EVC: variants seen among roughly 807,000 people sequenced by gnomAD.
EVC encodes evC complex member EVC.
A neutral mutation model predicts 118.9 loss-of-function variants in EVC; 116 were observed. The ratio of observed to expected loss-of-function variants is 0.98; its 90% CI spans 0.84 to 1.14. The LOEUF is 1.14. Ranked by LOEUF, EVC falls within the 50% of genes most tolerant of loss-of-function variation. The pLI is 0.00. For synonymous variants in EVC, 619 were observed against 534.7 expected (o/e 1.16, Z -2.18); for missense variants, 1,401 against 1,246.4 (o/e 1.12, Z -1.87).
At chr4:5,774,468 C>A (rs1441177941) in intron 11 of EVC, among the ~76,000 whole-genome samples, 1 of 151,956 alleles carries the variant, frequency 6.6e-6, no homozygotes, top group African/African-American at 2.4e-5. Flanking sequence ...TCCTCATAAT[C>A]AGCCCTCAAA....
intron 11 of EVC, chr4:5,758,308 T>A (rs1372712066): frequency 5.3e-6 from 3 of 561,608 alleles, no homozygotes; most frequent in Non-Finnish European, 9.4e-6. Context: ...GTTGTCTTAA[T>A]GCACCCAGTT....
chr4:5,744,666 A>C (rs565256447), intron 6 of EVC, among the ~76,000 whole-genome samples: 1 of 152,270 alleles, frequency 6.6e-6, no homozygotes, highest in South Asian at 2.1e-4. Context: ...GGGCCACCTC[A>C]GGCTTCCCCA....
intron 12 of EVC, among the ~76,000 whole-genome samples, chr4:5,787,117 T>G (rs1314741848): frequency 6.6e-6 from 1 of 152,170 alleles, no homozygotes; most frequent in Non-Finnish European, 1.5e-5. Flanking sequence ...GGGAAGTTAT[T>G]AAAAATTAAT....
At chr4:5,775,232 A>G (rs1734544826) in intron 11 of EVC, among the ~76,000 whole-genome samples, 1 of 151,800 alleles carries the variant, frequency 6.6e-6, no homozygotes, top group Non-Finnish European at 1.5e-5. Flanking sequence ...CCACTCATTG[A>G]AAGTGTTTTT....
At position 5,774,881 on chromosome 4, in the gene EVC, A is replaced by G. The variant is rs990318400; in HGVS notation, c.1564-8671A>G. On this transcript the variant is annotated intron_variant, in intron 11 of 20. Transcript: ENST00000264956. ...AATAAATCAGTATCTCCCAAGTGAC[A>G]TATGCCAGCATTAGTGGGAAGTGAT... Among the ~76,000 whole-genome samples the G allele has an allele frequency of 3.7e-4, 57 of 152,164 alleles. 1 individual carries two copies. The highest frequency in any genetic ancestry group is 2.0e-4 in the Admixed American group (3 of 15,286).
At chr4:5,816,943 G>C (rs1476873595), downstream of EVC, among the ~76,000 whole-genome samples, 3 of 152,122 alleles carry the variant, frequency 2.0e-5, no homozygotes, top group East Asian at 5.8e-4. Context: ...CAACCCTAGA[G>C]AACTGACTCC....
At position 5,783,631 on chromosome 4, in the gene EVC, G is replaced by A; in HGVS notation, c.1643G>A (p.Gly548Asp). The part of the protein sequence containing the change: ...LFLQTLPGMT[G>D]LPPEECDYLR... ...CTTCAGACGCTCCCTGGCATGACTG[G>A]CCTCCCCCCGGAAGAGTGTGACTAC... The change falls in exon 12 of 21, where the codon GGC (glycine) becomes GAC (aspartate). Residue 548 changes from glycine to aspartate, a missense_variant. Transcript: ENST00000264956. The A allele has an allele frequency of 6.2e-7, 1 of 1,614,144 alleles. No homozygotes were observed. The highest frequency in any genetic ancestry group is 8.5e-7 in the Non-Finnish European group (1 of 1,180,022).
intron 11 of EVC, among the ~76,000 whole-genome samples, chr4:5,780,298 C>G (rs891766091): frequency 6.6e-6 from 1 of 152,094 alleles, no homozygotes; most frequent in Non-Finnish European, 1.5e-5. Flanking sequence ...ATTCACCATA[C>G]TAAGTGTATG....
At chr4:5,712,810 G>T (rs1577302791) in intron 1 of EVC, among the ~76,000 whole-genome samples, 2 of 152,306 alleles carry the variant, frequency 1.3e-5, no homozygotes, top group Admixed American at 1.3e-4. Context: ...ATGCTGGCTT[G>T]TTGCATGGAG....
At position 5,811,446 on chromosome 4, in the gene EVC, G is replaced by A. The variant is rs545446092; in HGVS notation, c.*409G>A. 3 of 262,472 alleles carry A rather than the reference G, an allele frequency of 1.1e-5. No individual in the cohort carries two copies. The highest frequency in any genetic ancestry group is 2.0e-4 in the East Asian group (2 of 10,246). 16.3% of individuals were successfully genotyped at this position (262,472 alleles called of 1,614,324 possible). On this transcript the variant is annotated 3_prime_UTR_variant, in exon 21 of 21. Transcript: ENST00000264956. The stretch of plus-strand genomic sequence containing the variant: ...ACACAGATACATAATGACACCTGCA[G>A]AAATGTATTCTCTGAGGACACTTAG...
At chr4:5,802,207 T>G in intron 16 of EVC, 113 bp downstream of exon 16, 3 of 1,419,274 alleles carry the variant, frequency 2.1e-6, no homozygotes, top group Non-Finnish European at 2.9e-6. Flanking sequence ...AATATAATTA[T>G]TTCAGTGTTT....
Position 5,804,771 on chromosome 4 carries a change from C to CT in EVC, c.2492dup (p.Ser832GlnfsTer15). ...TTACAAACTGCGGAAAAAGCAAGAA[C>CT]TCAGCAACCCTTCGTCGGGCAGCAG... On this transcript the variant is annotated frameshift_variant, in exon 17 of 21. Coordinates refer to ENST00000264956, the MANE Select transcript of EVC (RefSeq NM_153717.3). LOFTEE classifies it high-confidence loss of function. 1 of 1,614,196 alleles carries CT rather than the reference C, an allele frequency of 6.2e-7. No homozygotes were observed.
chr4:5,783,459 T>C (rs1735935632), intron 11 of EVC, 93 bp from the exon 12 acceptor site: 3 of 1,210,174 alleles, frequency 2.5e-6, no homozygotes, highest in African/African-American at 1.5e-5. Context: ...TTGTGTCTTG[T>C]GGGAGGCTTG....
intron 11 of EVC, among the ~76,000 whole-genome samples, chr4:5,775,948 G>A (rs549372677): frequency 1.1e-4 from 17 of 152,042 alleles, no homozygotes; most frequent in Admixed American, 9.8e-4. Flanking sequence ...CAATTATTTA[G>A]GTCGTATTTA....
chr4:5,810,774 T>A (rs1373373703), intron 20 of EVC, among the ~76,000 whole-genome samples, 179 bp from the exon 21 acceptor site: 1 of 152,204 alleles, frequency 6.6e-6, no homozygotes, highest in East Asian at 1.9e-4. Flanking sequence ...GGCACTTGGA[T>A]GACCTCCTAC....
At chr4:5,772,465 C>T (rs1174071752) in intron 11 of EVC, among the ~76,000 whole-genome samples, 1 of 152,082 alleles carries the variant, frequency 6.6e-6, no homozygotes, top group East Asian at 1.9e-4. Context: ...TCTTGGCTAC[C>T]TTCCTTTTAA....
rs1466848894 is a variant in EVC, at chr4:5,814,272, G to A, written c.*3235G>A. On this transcript the variant is annotated 3_prime_UTR_variant, in exon 21 of 21. Coordinates refer to ENST00000264956, the MANE Select transcript of EVC (RefSeq NM_153717.3). ...GGGACCATGAGAGATGATGTATTAT[G>A]ATGAACTCATGATTTAATTCTTTGG... 6.6e-6 allele frequency: 1 copy of A among 152,308 alleles called. No homozygotes were observed. The highest frequency in any genetic ancestry group is 1.5e-5 in the Non-Finnish European group (1 of 68,098). The allele number at this position is 152,308 out of a possible 1,614,324, so 9.4% of individuals were successfully genotyped here. A position where few individuals can be genotyped will look rare whatever the true frequency, so the allele number is the denominator to read the frequency against.
intron 11 of EVC, among the ~76,000 whole-genome samples, chr4:5,760,842 G>T (rs1443414696): frequency 6.6e-6 from 1 of 152,148 alleles, no homozygotes; most frequent in Admixed American, 6.5e-5. Flanking sequence ...GTGAGCCACC[G>T]CTCCCGGCCT....
At chr4:5,741,054 C>G (rs199880235) in intron 5 of EVC, among the ~76,000 whole-genome samples, 2 of 152,220 alleles carry the variant, frequency 1.3e-5, no homozygotes, top group East Asian at 1.9e-4. Flanking sequence ...TCAAACTTAA[C>G]TTGCAGTTAC....
Sources: gnomAD v4.1 joint callset for allele counts (sites outside exome capture counted in the v4.1 genomes callset) on GRCh38, gnomAD v4.1.1 for gene constraint, MANE v1.5 for transcripts, NCBI Gene and HGNC (gene_info 2026-07-23, HGNC 2026-07-21) for gene names.